The following KIAA0753 variants were observed in gnomAD, a reference collection of about 807,000 sequenced individuals.
The protein encoded by KIAA0753 is protein moonraker.
In KIAA0753, 114 loss-of-function variants were observed where a neutral mutation model predicts 116.9. That is an observed-to-expected ratio of 0.98 (90% CI 0.84 to 1.14). The LOEUF (loss-of-function observed/expected upper bound fraction) is 1.14. Among genes scored for constraint, KIAA0753 ranks in the 50% most tolerant of loss-of-function variants. KIAA0753 has a pLI of 0.00. For missense variants in KIAA0753, 1,156 were observed against 1,172.4 expected (o/e 0.99, Z 0.20); for synonymous variants, 405 against 413.1 (o/e 0.98, Z 0.24).
In KIAA0753 at chr17:6,588,604, T is replaced by C. The variant is rs534782207; in HGVS notation, c.2786+1175A>G. 3.9e-5 allele frequency among the ~76,000 whole-genome samples: 6 copies of C among 152,232 alleles called. No homozygotes were observed. In the East Asian group the frequency reaches 1.2e-3, roughly 29 times the overall value. Reference sequence around the variant, plus strand: ...ACTGCGTACGTAAAGTTAACAAATATATAAAATAACTAGCAAATAAAAAGA... The same window carrying C: ...ACTGCGTACGTAAAGTTAACAAATACATAAAATAACTAGCAAATAAAAAGA... On this transcript the variant is annotated intron_variant, in intron 18 of 18. Coordinates refer to ENST00000361413, the MANE Select transcript of KIAA0753 (RefSeq NM_014804.3).
chr17:6,589,946 A>G lies in KIAA0753; in HGVS notation c.2619T>C (p.Leu873=), dbSNP rs770001304. 1 of 1,607,010 alleles carries G rather than the reference A, an allele frequency of 6.2e-7. No homozygotes were observed. The highest frequency in any genetic ancestry group is 1.1e-5 in the South Asian group (1 of 89,890). ...GTTGAGAATCTTCGGCTAGGGAGAG[A>G]AGAGGGGCCTCTCTTTTCTCTGATC... ...EEGSEKREAP[L]LSLAEDSQQK... Residue 873 remains leucine (L), a synonymous_variant, in exon 18 of 19, where the codon CTT becomes CTC. Transcript: ENST00000361413.
At chr17:6,598,186 T>C (rs1018465235) in intron 14 of KIAA0753, among the ~76,000 whole-genome samples, 2 of 152,122 alleles carry the variant, frequency 1.3e-5, no homozygotes, top group African/African-American at 4.8e-5. Context: ...CAGTATGGAG[T>C]GGCCTCTCTG....
chr17:6,621,039 C>T (rs750061099), intron 6 of KIAA0753, 41 bp from the exon 7 acceptor site: 3 of 1,578,270 alleles, frequency 1.9e-6, no homozygotes, highest in South Asian at 1.1e-5. Context: ...GTTTATCTCG[C>T]AAAAGTATGA....
In KIAA0753 at chr17:6,590,575, G is replaced by A; in HGVS notation, c.2496C>T (p.Ile832=). The A allele has an allele frequency of 6.2e-7, 1 of 1,614,038 alleles. No homozygotes were observed. The highest frequency in any genetic ancestry group is 1.1e-5 in the South Asian group (1 of 91,068). ...EKPLSPHPIR[I]TKTVDRKDPA... is the part of the protein sequence containing the mutation. ...GATCCTTGCGATCCACTGTCTTCGT[G>A]ATTCTGATTGGATGAGGAGATAGAG... The change falls in exon 17 of 19, where the codon ATC becomes ATT. Residue 832 remains isoleucine, a synonymous_variant. Coordinates refer to ENST00000361413, the MANE Select transcript of KIAA0753 (RefSeq NM_014804.3).
chr17:6,595,425 A>G (rs1969395690), intron 15 of KIAA0753, among the ~76,000 whole-genome samples: 1 of 152,232 alleles, frequency 6.6e-6, no homozygotes, highest in African/African-American at 2.4e-5. Context: ...CCCCGGGCCT[A>G]GACAACTATC....
intron 7 of KIAA0753, among the ~76,000 whole-genome samples, chr17:6,613,245 A>T (rs1208225183): frequency 1.3e-5 from 2 of 152,224 alleles, no homozygotes; most frequent in Non-Finnish European, 2.9e-5. Context: ...AAGAAGTACA[A>T]GGCTTTTACA....
chr17:6,600,409 G>C lies in KIAA0753; in HGVS notation c.2059C>G (p.Arg687Gly). The C allele has an allele frequency of 1.2e-6, 2 of 1,613,826 alleles. No homozygotes were observed. The highest frequency in any genetic ancestry group is 1.6e-4 in the Middle Eastern group (1 of 6,062). Residue 687 changes from arginine (R) to glycine (G), a missense_variant, in exon 13 of 19, where the codon CGT (arginine) becomes GGT (glycine). Physicochemically the swap from Arg to Gly is moderately radical, Grantham distance 125 (BLOSUM62 -2). Coordinates refer to ENST00000361413, the MANE Select transcript of KIAA0753 (RefSeq NM_014804.3). The stretch of plus-strand genomic sequence containing the variant: ...GCCTTGACCAAGAGAGGCTTCAAAC[G>C]ATCCAGAACTGCCTCCTCTACCTTG... ...ADKVEEAVLD[R>G]LKPLLVKAQR...
chr17:6,592,453 T>C (rs1442868543), intron 16 of KIAA0753, among the ~76,000 whole-genome samples: 2 of 152,310 alleles, frequency 1.3e-5, no homozygotes, highest in African/African-American at 2.4e-5. Context: ...CAGTAACCGA[T>C]AAGCACAAGT....
chr17:6,621,655 C>G (rs1332477850), intron 6 of KIAA0753, among the ~76,000 whole-genome samples: 1 of 152,164 alleles, frequency 6.6e-6, no homozygotes, highest in African/African-American at 2.4e-5. Context: ...TAACACATTT[C>G]TTGCATTTTG....
At chr17:6,613,803 A>G (rs987390948) in intron 7 of KIAA0753, among the ~76,000 whole-genome samples, 4 of 152,256 alleles carry the variant, frequency 2.6e-5, no homozygotes, top group Non-Finnish European at 4.4e-5. Flanking sequence ...GACTATCAGT[A>G]TAACACCAGG....
At chr17:6,609,340 C>T (rs553377488) in intron 9 of KIAA0753, among the ~76,000 whole-genome samples, 22 of 152,224 alleles carry the variant, frequency 1.4e-4, no homozygotes, top group Non-Finnish European at 1.8e-4. Context: ...TCACGGCAAA[C>T]GAGCTCCCCT....
chr17:6,612,363 C>T lies in KIAA0753; in HGVS notation c.1316-215G>A, dbSNP rs4796525. On this transcript the variant is annotated intron_variant, in intron 7 of 18. Coordinates refer to ENST00000361413, the MANE Select transcript of KIAA0753 (RefSeq NM_014804.3). ...TCACGGTTGACTCCCTGAATCTTCGCTATCATATTTACTCATTTACCTGGT... is the reference window on the plus strand; with the variant it reads ...TCACGGTTGACTCCCTGAATCTTCGTTATCATATTTACTCATTTACCTGGT... 0.12 allele frequency among the ~76,000 whole-genome samples: 18,069 copies of T among 152,114 alleles called. 1,673 individuals are homozygous for T. Among genetic ancestry groups the T allele is most frequent in the East Asian group, 0.36 (1,885 of 5,168 alleles).
At chr17:6,622,672 T>C (rs1260239709) in intron 6 of KIAA0753, among the ~76,000 whole-genome samples, 6 of 152,380 alleles carry the variant, frequency 3.9e-5, no homozygotes, top group African/African-American at 1.4e-4. Flanking sequence ...TATATTCAAG[T>C]TACCAATTTT....
intron 6 of KIAA0753, 77 bp downstream of exon 6, chr17:6,622,805 T>C (rs2150886967): frequency 7.9e-7 from 1 of 1,272,148 alleles, no homozygotes; most frequent in South Asian, 1.2e-5. Flanking sequence ...GTATTCTCCA[T>C]AAATCCTAAC....
intron 12 of KIAA0753, among the ~76,000 whole-genome samples, chr17:6,601,431 A>G (rs764774912): frequency 1.7e-4 from 26 of 152,074 alleles, no homozygotes; most frequent in Non-Finnish European, 3.2e-4. Flanking sequence ...CTCTTCCCCA[A>G]CTCAGCTCCT....
chr17:6,620,880 G>T lies in KIAA0753; in HGVS notation c.1223C>A (p.Thr408Lys). Residue 408 changes from threonine (T) to lysine (K), a missense_variant, in exon 7 of 19, where the codon ACA (threonine) becomes AAA (lysine). Thr to Lys is a moderately conservative substitution (Grantham distance 78, BLOSUM62 -1). Coordinates refer to ENST00000361413, the MANE Select transcript of KIAA0753 (RefSeq NM_014804.3). ...SQKALERWPS[T>K]SPKGERRPLT... is the part of the protein sequence containing the mutation. The stretch of plus-strand genomic sequence containing the variant: ...GGGCCTCCTCTCACCCTTTGGTGAT[G>T]TACTTGGCCATCTCTCCAAGGCCTT... 2 of 1,614,158 alleles carry T rather than the reference G, an allele frequency of 1.2e-6. No individual in the cohort carries two copies. Among genetic ancestry groups the T allele is most frequent in the Non-Finnish European group, 1.7e-6 (2 of 1,180,014 alleles).
chr17:6,615,614 C>CA (rs60310389), intron 7 of KIAA0753, among the ~76,000 whole-genome samples: 19,845 of 58,606 alleles, frequency 0.34, 5,485 homozygotes, highest in Non-Finnish European at 0.43. Context: ...GACTCCGTCT[C>CA]AAAAAAAAAA....
chr17:6,579,823 G>A lies in KIAA0753; in HGVS notation c.2828C>T (p.Ala943Val), dbSNP rs765667147. The A allele has an allele frequency of 6.2e-7, 1 of 1,613,792 alleles. No homozygotes were observed. Among genetic ancestry groups the A allele is most frequent in the Non-Finnish European group, 8.5e-7 (1 of 1,179,960 alleles). ...ELVDEALGAV[A>V]AELQDMCEDY... is the part of the protein sequence containing the mutation. The stretch of plus-strand genomic sequence containing the variant: ...TTCGCACATATCCTGAAGTTCAGCA[G>A]CCACAGCACCCAGAGCTTCATCTAC... The change falls in exon 19 of 19, where the codon GCT becomes GTT. Residue 943 changes from alanine to valine, a missense_variant. By Grantham distance (64) the Ala-to-Val change is moderately conservative. Transcript: ENST00000361413.
intron 7 of KIAA0753, among the ~76,000 whole-genome samples, chr17:6,615,323 C>T (rs116091607): frequency 5.3e-5 from 8 of 152,058 alleles, no homozygotes; most frequent in Non-Finnish European, 1.0e-4. Flanking sequence ...GCAACTGTCT[C>T]GTATCAAACT....
Sources: allele counts gnomAD v4.1 joint callset (sites outside exome capture counted in the v4.1 genomes callset), GRCh38; gene constraint gnomAD v4.1.1; transcripts MANE v1.5; gene names NCBI Gene and HGNC (gene_info 2026-07-23, HGNC 2026-07-21).